Variants in TMEM163 observed in about 807,000 individuals in gnomAD.
TMEM163 encodes transmembrane protein 163.
In TMEM163, 17 loss-of-function variants were observed where a neutral mutation model predicts 29.3. That is an observed-to-expected ratio of 0.58 (90% CI 0.40 to 0.87). The LOEUF (loss-of-function observed/expected upper bound fraction) is 0.87. TMEM163 is among the 40% of genes least tolerant of loss of function. The pLI is 0.00. For missense variants in TMEM163, 303 were observed against 381.5 expected (o/e 0.79, Z 1.71); for synonymous variants, 157 against 160.6 (o/e 0.98, Z 0.17).
chr2:134,529,350 A>T (rs1476856393), intron 4 of TMEM163, among the ~76,000 whole-genome samples: 1 of 151,624 alleles, frequency 6.6e-6, no homozygotes, highest in Non-Finnish European at 1.5e-5. Flanking sequence ...AACAAAATGT[A>T]TATAAACCTG....
At chr2:134,552,879 C>T (rs180870053) in intron 2 of TMEM163, among the ~76,000 whole-genome samples, 41 of 152,044 alleles carry the variant, frequency 2.7e-4, no homozygotes, top group Admixed American at 1.6e-3. Context: ...AGGCTAGTTT[C>T]GAACTCCTGA....
At chr2:134,556,971 G>C (rs1419606400) in intron 2 of TMEM163, among the ~76,000 whole-genome samples, 1 of 152,206 alleles carries the variant, frequency 6.6e-6, no homozygotes, top group Non-Finnish European at 1.5e-5. Flanking sequence ...GGGAGTTCTA[G>C]CCAGCACAGG....
At chr2:134,506,588 T>C (rs896670369) in intron 4 of TMEM163, among the ~76,000 whole-genome samples, 1 of 152,124 alleles carries the variant, frequency 6.6e-6, no homozygotes, top group African/African-American at 2.4e-5. Flanking sequence ...GTTTGTGAAG[T>C]CCACCCAGAA....
chr2:134,478,192 A>G (rs1481959205), intron 5 of TMEM163, among the ~76,000 whole-genome samples: 5 of 152,306 alleles, frequency 3.3e-5, no homozygotes, highest in African/African-American at 7.2e-5. Context: ...ATGATTATAC[A>G]GCCTGTAGAA....
intron 2 of TMEM163, among the ~76,000 whole-genome samples, chr2:134,687,843 C>T (rs1684380795): frequency 6.6e-6 from 1 of 152,162 alleles, no homozygotes; most frequent in Non-Finnish European, 1.5e-5. Context: ...CAAGACAATT[C>T]CCAAACTTAA....
chr2:134,467,049 A>G (rs1245198268), intron 5 of TMEM163: 1 of 152,236 alleles, frequency 6.6e-6, no homozygotes. Flanking sequence ...CATTTTATTA[A>G]TCAAATTCAC....
chr2:134,561,024 C>T (rs1017093914), intron 2 of TMEM163, among the ~76,000 whole-genome samples: 4 of 152,206 alleles, frequency 2.6e-5, no homozygotes, highest in African/African-American at 9.7e-5. Flanking sequence ...GCTGCTTCTT[C>T]AGTCTGGGAA....
intron 2 of TMEM163, among the ~76,000 whole-genome samples, chr2:134,560,734 C>G (rs904283445): frequency 1.3e-5 from 2 of 152,236 alleles, no homozygotes; most frequent in African/African-American, 4.8e-5. Context: ...AGGAAAGTCT[C>G]TAGCATGGAC....
intron 4 of TMEM163, among the ~76,000 whole-genome samples, chr2:134,531,745 T>C (rs143418176): frequency 8.4e-4 from 128 of 152,358 alleles, no homozygotes; most frequent in African/African-American, 3.0e-3. Flanking sequence ...TTCAGGTATC[T>C]GGAGCTTTTT....
At chr2:134,645,418 CA>C in intron 2 of TMEM163, among the ~76,000 whole-genome samples, 1 of 152,288 alleles carries the variant, frequency 6.6e-6, no homozygotes, top group East Asian at 1.9e-4. Flanking sequence ...ACATGGTCAG[CA>C]AGGCCAAAGA....
chr2:134,633,666 A>C (rs1683029046), intron 2 of TMEM163, among the ~76,000 whole-genome samples: 1 of 152,092 alleles, frequency 6.6e-6, no homozygotes, highest in Non-Finnish European at 1.5e-5. Context: ...CAGTCTTAAA[A>C]TATGCCTGGT....
At chr2:134,561,599 TTGGCCTCCCAAAG>T in intron 2 of TMEM163, among the ~76,000 whole-genome samples, 1 of 152,214 alleles carries the variant, frequency 6.6e-6, no homozygotes. Flanking sequence ...TCCGCCTGAC[TTGGCCTCCCAAAG>T]TGAGCAGCAA....
Position 134,503,339 on chromosome 2 carries a change from G to T in TMEM163, c.459-342C>A, listed in dbSNP as rs536550636. Reference sequence around the variant, plus strand: ...GTTTCATTCCTGCTCAAACGGGAAGGCACATGGTTTAACAGCAGAATGGAG... The same window carrying T: ...GTTTCATTCCTGCTCAAACGGGAAGTCACATGGTTTAACAGCAGAATGGAG... On this transcript the variant is annotated intron_variant, in intron 4 of 7. Transcript: ENST00000281924. Among the ~76,000 whole-genome samples, 43 of 152,326 alleles carry T rather than the reference G, an allele frequency of 2.8e-4. 1 individual carries two copies. The highest frequency in any genetic ancestry group is 5.9e-5 in the Non-Finnish European group (4 of 68,024).
intron 4 of TMEM163, among the ~76,000 whole-genome samples, chr2:134,516,711 ACATATATATTCATATATATG>A (rs1328665944): frequency 4.2e-5 from 5 of 119,380 alleles, no homozygotes; most frequent in African/African-American, 8.9e-5. Flanking sequence ...ATTCATATAT[ACATATATATTCATATATATG>A]CATATATATG....
At chr2:134,696,507 G>A (rs1684585322) in intron 2 of TMEM163, among the ~76,000 whole-genome samples, 1 of 152,132 alleles carries the variant, frequency 6.6e-6, no homozygotes, top group South Asian at 2.1e-4. Context: ...ATCCTTATTA[G>A]ATTGTCTTCC....
chr2:134,670,839 C>T (rs1036713644), intron 2 of TMEM163, among the ~76,000 whole-genome samples: 1 of 152,182 alleles, frequency 6.6e-6, no homozygotes, highest in Admixed American at 6.5e-5. Flanking sequence ...TTAAAGTCCC[C>T]GATTTTAAAG....
chr2:134,592,016 A>G (rs59458946), intron 2 of TMEM163, among the ~76,000 whole-genome samples: 6,549 of 152,286 alleles, frequency 0.043, 220 homozygotes, highest in Admixed American at 0.091. Context: ...GAATTGGTTC[A>G]GCCTGGAAAG....
chr2:134,635,308 T>C (rs911959488), intron 2 of TMEM163, among the ~76,000 whole-genome samples: 1 of 152,194 alleles, frequency 6.6e-6, no homozygotes, highest in Non-Finnish European at 1.5e-5. Context: ...CTTCTATCTG[T>C]TGGCTCTGTG....
intron 5 of TMEM163, among the ~76,000 whole-genome samples, chr2:134,473,212 AG>A (rs1346561063): frequency 1.3e-5 from 2 of 152,216 alleles, no homozygotes; most frequent in Non-Finnish European, 2.9e-5. Flanking sequence ...AGTAAGGAGA[AG>A]GAAAGAAATA....
Sources: allele counts gnomAD v4.1 joint callset (sites outside exome capture counted in the v4.1 genomes callset), GRCh38; gene constraint gnomAD v4.1.1; transcripts MANE v1.5; gene names NCBI Gene and HGNC (gene_info 2026-07-23, HGNC 2026-07-21).